DCDC2: variants seen among roughly 807,000 people sequenced by gnomAD.
DCDC2 encodes the protein doublecortin domain containing 2.
A neutral mutation model predicts 50.2 loss-of-function variants in DCDC2; 40 were observed. The ratio of observed to expected loss-of-function variants is 0.80; its 90% CI spans 0.62 to 1.04. The LOEUF (loss-of-function observed/expected upper bound fraction) is 1.04. DCDC2 is among the 50% of genes least tolerant of loss of function. DCDC2 has a pLI of 0.00. For synonymous variants in DCDC2, 234 were observed against 210.6 expected (o/e 1.11, Z -0.96); for missense variants, 570 against 581.9 (o/e 0.98, Z 0.21).
At chr6:24,327,014 G>A (rs972936330) in intron 2 of DCDC2, among the ~76,000 whole-genome samples, 3 of 149,438 alleles carry the variant, frequency 2.0e-5, no homozygotes, top group African/African-American at 7.3e-5. Context: ...CATTCCTTCA[G>A]CACAGCTCAG....
At chr6:24,255,171 A>G (rs1762876836) in intron 7 of DCDC2, among the ~76,000 whole-genome samples, 1 of 152,152 alleles carries the variant, frequency 6.6e-6, no homozygotes, top group South Asian at 2.1e-4. Context: ...ATATACATAA[A>G]TATCTAAGTT....
At chr6:24,212,269 C>T (rs1761889520) in intron 7 of DCDC2, among the ~76,000 whole-genome samples, 1 of 152,146 alleles carries the variant, frequency 6.6e-6, no homozygotes, top group Non-Finnish European at 1.5e-5. Context: ...GGGAAGCGTT[C>T]TTCTGGAAAG....
At chr6:24,332,838 T>C (rs1329385932) in intron 2 of DCDC2, among the ~76,000 whole-genome samples, 1 of 152,150 alleles carries the variant, frequency 6.6e-6, no homozygotes, top group Non-Finnish European at 1.5e-5. Context: ...AGACACTGTG[T>C]TTGATGCTGG....
At chr6:24,309,279 C>T (rs1283287446) in intron 2 of DCDC2, among the ~76,000 whole-genome samples, 1 of 144,312 alleles carries the variant, frequency 6.9e-6, no homozygotes, top group Admixed American at 7.2e-5. Context: ...GAGACGAGAT[C>T]ACGCCATTGC....
chr6:24,231,130 G>A (rs1433284742), intron 7 of DCDC2, among the ~76,000 whole-genome samples: 1 of 152,246 alleles, frequency 6.6e-6, no homozygotes, highest in Non-Finnish European at 1.5e-5. Context: ...GAGAAGAGAT[G>A]TTGCTGGGTG....
chr6:24,300,218 A>C (rs1439795059), intron 4 of DCDC2, among the ~76,000 whole-genome samples: 1 of 151,864 alleles, frequency 6.6e-6, no homozygotes, highest in Non-Finnish European at 1.5e-5. Context: ...GACAAAATCT[A>C]ATCTCTACAA....
intron 7 of DCDC2, among the ~76,000 whole-genome samples, chr6:24,214,818 C>T (rs576740819): frequency 6.6e-6 from 1 of 152,314 alleles, no homozygotes; most frequent in East Asian, 1.9e-4. Context: ...AGCCATACTT[C>T]TATACGCTAG....
intron 7 of DCDC2, among the ~76,000 whole-genome samples, chr6:24,277,627 T>C (rs184692420): frequency 1.3e-5 from 2 of 152,332 alleles, no homozygotes; most frequent in East Asian, 3.9e-4. Flanking sequence ...TAGTGTTCTC[T>C]TGGTTATCAG....
intron 2 of DCDC2, among the ~76,000 whole-genome samples, chr6:24,328,556 C>G (rs1213264538): frequency 6.6e-6 from 1 of 152,176 alleles, no homozygotes; most frequent in Non-Finnish European, 1.5e-5. Flanking sequence ...ACGCCCATGG[C>G]CAATCATGCC....
chr6:24,350,734 T>C (rs1171743114), intron 2 of DCDC2, among the ~76,000 whole-genome samples: 1 of 152,166 alleles, frequency 6.6e-6, no homozygotes, highest in African/African-American at 2.4e-5. Flanking sequence ...ACTTCAAAAA[T>C]AATTCTCTAT....
chr6:24,371,262 G>A, the DCDC2 span, among the ~76,000 whole-genome samples: 1 of 134,358 alleles, frequency 7.4e-6, no homozygotes, highest in Non-Finnish European at 1.6e-5. Flanking sequence ...GGGCGACAGT[G>A]TGACACTCCA....
At chr6:24,289,035 C>A (rs1763680297) in intron 5 of DCDC2, 129 bp from the exon 6 acceptor site, 1 of 591,282 alleles carries the variant, frequency 1.7e-6, no homozygotes, top group Admixed American at 3.4e-5. Flanking sequence ...AGATAACATA[C>A]ACTTTAACAC....
At chr6:24,338,765 C>A (rs1760101980) in intron 2 of DCDC2, among the ~76,000 whole-genome samples, 1 of 152,162 alleles carries the variant, frequency 6.6e-6, no homozygotes, top group Non-Finnish European at 1.5e-5. Flanking sequence ...CCTGACTCAG[C>A]CTCCCAAGTA....
chr6:24,227,867 A>G (rs549787965), intron 7 of DCDC2, among the ~76,000 whole-genome samples: 1 of 152,210 alleles, frequency 6.6e-6, no homozygotes, highest in Non-Finnish European at 1.5e-5. Flanking sequence ...CTCTCAGAAC[A>G]TTCCAATTAA....
At chr6:24,274,994 A>G (rs889528205) in intron 7 of DCDC2, among the ~76,000 whole-genome samples, 3 of 152,124 alleles carry the variant, frequency 2.0e-5, no homozygotes, top group African/African-American at 7.2e-5. Context: ...CATTGTAAGT[A>G]GAAAAAGCCA....
chr6:24,243,222 G>A (rs765604972), intron 7 of DCDC2, among the ~76,000 whole-genome samples: 3 of 152,126 alleles, frequency 2.0e-5, no homozygotes, highest in Non-Finnish European at 4.4e-5. Flanking sequence ...TGAAACCCTG[G>A]GCTTACAAAC....
chr6:24,341,981 T>G (rs1343877375), intron 2 of DCDC2, among the ~76,000 whole-genome samples: 1 of 149,638 alleles, frequency 6.7e-6, no homozygotes, highest in Non-Finnish European at 1.5e-5. Flanking sequence ...CACAGAGAAT[T>G]TGTTCTACAT....
chr6:24,212,013 G>A (rs928382445), intron 7 of DCDC2, among the ~76,000 whole-genome samples: 1 of 152,106 alleles, frequency 6.6e-6, no homozygotes, highest in Non-Finnish European at 1.5e-5. Flanking sequence ...GGAGGTGAGC[G>A]GCAGGTGAGT....
chr6:24,296,553 C>A (rs807710), intron 4 of DCDC2, among the ~76,000 whole-genome samples: 1 of 152,172 alleles, frequency 6.6e-6, no homozygotes, highest in Non-Finnish European at 1.5e-5. Context: ...ATGGGAGAAA[C>A]TTTTGCAAAC....
Sources: gnomAD v4.1 joint callset for allele counts (sites outside exome capture counted in the v4.1 genomes callset) on GRCh38, gnomAD v4.1.1 for gene constraint, MANE v1.5 for transcripts, NCBI Gene and HGNC (gene_info 2026-07-23, HGNC 2026-07-21) for gene names.